Variants in DCUN1D1 observed in about 807,000 individuals in gnomAD.
The protein encoded by DCUN1D1 is defective in cullin neddylation 1 domain containing 1.
Under a neutral mutation model 39.0 loss-of-function variants are expected in DCUN1D1, and 3 were observed. The observed-to-expected ratio is 0.08, with a 90% CI of 0.04 to 0.20. The LOEUF (loss-of-function observed/expected upper bound fraction) is 0.20. DCUN1D1 is among the 10% of genes least tolerant of loss of function. The probability of loss-of-function intolerance (pLI) is 1.00; values close to 1 mark genes in which losing one functional copy is unlikely to be tolerated. For missense variants in DCUN1D1, 158 were observed against 302.4 expected (o/e 0.52, Z 3.54); for synonymous variants, 82 against 96.3 (o/e 0.85, Z 0.87).
At chr3:182,963,764 T>C in intron 3 of DCUN1D1, 117 bp downstream of exon 3, 1 of 895,036 alleles carries the variant, frequency 1.1e-6, no homozygotes, top group South Asian at 2.2e-5. Flanking sequence ...GTTAACCCAT[T>C]TCTATTTATA....
chr3:182,977,566 G>T (rs1728299629), intron 1 of DCUN1D1, among the ~76,000 whole-genome samples: 1 of 152,014 alleles, frequency 6.6e-6, no homozygotes, highest in South Asian at 2.1e-4. Flanking sequence ...CTCCTGAGTA[G>T]CTGAGACTAC....
intron 4 of DCUN1D1, among the ~76,000 whole-genome samples, chr3:182,960,027 A>AG (rs1408056698): frequency 6.6e-6 from 1 of 152,204 alleles, no homozygotes; most frequent in African/African-American, 2.4e-5. Flanking sequence ...TGCAGAAGCC[A>AG]GGGCCATGCC....
At chr3:182,958,241 A>C (rs1231373104) in intron 4 of DCUN1D1, among the ~76,000 whole-genome samples, 3 of 152,060 alleles carry the variant, frequency 2.0e-5, no homozygotes, top group Non-Finnish European at 4.4e-5. Context: ...AAAAAAAAAA[A>C]CTATGATTTG....
intron 1 of DCUN1D1, chr3:182,980,000 G>T (rs1195806631): frequency 4.3e-5 from 9 of 210,976 alleles, no homozygotes; most frequent in Non-Finnish European, 7.4e-5. Context: ...GGAGAGGCGC[G>T]CCGGGAAAGT....
rs1466669414 is a variant in DCUN1D1 at position 182,980,524 on chromosome 3, G to A, written c.-35C>T. 5.7e-6 allele frequency: 7 copies of A among 1,234,172 alleles called. No individual in the cohort carries two copies. In the African/African-American group the frequency reaches 6.4e-5, roughly 11 times the overall value. 76.5% of individuals were successfully genotyped at this position (1,234,172 alleles called of 1,614,324 possible). A position where few individuals can be genotyped will look rare whatever the true frequency, so the allele number is the denominator to read the frequency against. On this transcript the variant is annotated 5_prime_UTR_variant, in exon 1 of 7. Coordinates refer to ENST00000292782, the MANE Select transcript of DCUN1D1 (RefSeq NM_020640.4). ...CTCCAGGCCTCTCCCCTCCTCCTCC[G>A]GCTCCGCAGCGAATGGACGGCGGCG... is the stretch of plus-strand genomic sequence containing the variant.
chr3:182,952,734 G>A (rs1270344053), intron 4 of DCUN1D1, among the ~76,000 whole-genome samples: 1 of 152,070 alleles, frequency 6.6e-6, no homozygotes, highest in Non-Finnish European at 1.5e-5. Flanking sequence ...GATAATCCCT[G>A]AGAAAGGCTC....
chr3:182,946,949 G>A (rs1726441411), intron 6 of DCUN1D1, among the ~76,000 whole-genome samples: 1 of 152,032 alleles, frequency 6.6e-6, no homozygotes, highest in Non-Finnish European at 1.5e-5. Context: ...AAAACATTAA[G>A]AAATTAGTCA....
In DCUN1D1 at chr3:182,942,964, A is replaced by G. The variant is rs1726205405; in HGVS notation, c.*2130T>C. 1 of 152,198 alleles carries G rather than the reference A, an allele frequency of 6.6e-6. No individual in the cohort carries two copies. Among genetic ancestry groups the G allele is most frequent in the Non-Finnish European group, 1.5e-5 (1 of 67,908 alleles). The allele number at this position is 152,198 out of a possible 1,614,324, so 9.4% of individuals were successfully genotyped here. On this transcript the variant is annotated 3_prime_UTR_variant, in exon 7 of 7. Transcript: ENST00000292782. ...TTCAAAGCTTTATGTATTTTTGTTT[A>G]TAATTACACAGTAATTATAAATGTT...
intron 1 of DCUN1D1, among the ~76,000 whole-genome samples, chr3:182,979,340 CAA>C (rs1351754466): frequency 6.6e-6 from 1 of 152,134 alleles, no homozygotes; most frequent in African/African-American, 2.4e-5. Context: ...CAACTAAAAA[CAA>C]AGACACTGGA....
chr3:182,980,312 G>T, intron 1 of DCUN1D1, 175 bp downstream of exon 1: 1 of 378,502 alleles, frequency 2.6e-6, no homozygotes, highest in Non-Finnish European at 3.6e-6. Context: ...GCGGGAAGGG[G>T]CGAAGGAGGA....
intron 4 of DCUN1D1, among the ~76,000 whole-genome samples, 157 bp downstream of exon 4, chr3:182,961,069 T>C (rs1727357511): frequency 6.6e-6 from 1 of 152,190 alleles, no homozygotes; most frequent in Non-Finnish European, 1.5e-5. Flanking sequence ...GTGCATGGTA[T>C]TTTCTGATTA....
chr3:182,945,644 T>C (rs2108620343), intron 6 of DCUN1D1, among the ~76,000 whole-genome samples: 1 of 152,236 alleles, frequency 6.6e-6, no homozygotes, highest in East Asian at 1.9e-4. Flanking sequence ...AAGGAGCAGC[T>C]ATGAAATGAT....
rs967933103 is a variant in DCUN1D1, at chr3:182,940,285, T to C, written c.*4809A>G. 13 of 152,186 alleles carry C rather than the reference T, an allele frequency of 8.5e-5. No individual in the cohort carries two copies. Among genetic ancestry groups the C allele is most frequent in the African/African-American group, 2.7e-4 (11 of 41,454 alleles). The allele number at this position is 152,186 out of a possible 1,614,324, so 9.4% of individuals were successfully genotyped here. A position where few individuals can be genotyped will look rare whatever the true frequency, so the allele number is the denominator to read the frequency against. ...TAAAATTATAATATTCATATGAACATGCATTTGAATATATATGTACTTTTT... is the reference window on the plus strand; with the variant it reads ...TAAAATTATAATATTCATATGAACACGCATTTGAATATATATGTACTTTTT... On this transcript the variant is annotated 3_prime_UTR_variant, in exon 7 of 7. Coordinates refer to ENST00000292782, the MANE Select transcript of DCUN1D1 (RefSeq NM_020640.4).
chr3:182,982,498 A>G (rs952701781), upstream of DCUN1D1, among the ~76,000 whole-genome samples: 3 of 152,062 alleles, frequency 2.0e-5, no homozygotes, highest in Non-Finnish European at 4.4e-5. Context: ...CCTTTTATCA[A>G]ATCATCCAAA....
intron 5 of DCUN1D1, 36 bp downstream of exon 5, chr3:182,947,514 A>T: frequency 7.6e-7 from 1 of 1,309,882 alleles, no homozygotes; most frequent in Non-Finnish European, 1.1e-6. Flanking sequence ...GCAGAATTTG[A>T]GAAAACAGAG....
intron 1 of DCUN1D1, among the ~76,000 whole-genome samples, chr3:182,978,730 T>A (rs1446577057): frequency 6.6e-6 from 1 of 152,208 alleles, no homozygotes; most frequent in African/African-American, 2.4e-5. Context: ...TGACATAAAC[T>A]GAGTTCAGCC....
chr3:182,979,432 T>C (rs1346238314), intron 1 of DCUN1D1, among the ~76,000 whole-genome samples: 1 of 152,072 alleles, frequency 6.6e-6, no homozygotes, highest in Non-Finnish European at 1.5e-5. Context: ...GACAACAATA[T>C]CATTTTTACT....
chr3:182,971,857 A>G (rs1727956560), intron 1 of DCUN1D1, among the ~76,000 whole-genome samples: 1 of 152,170 alleles, frequency 6.6e-6, no homozygotes, highest in African/African-American at 2.4e-5. Flanking sequence ...TCAAGTGAAA[A>G]GAAAAACAAA....
chr3:182,976,186 G>T (rs1159689298), intron 1 of DCUN1D1, among the ~76,000 whole-genome samples: 1 of 151,960 alleles, frequency 6.6e-6, no homozygotes, highest in African/African-American at 2.4e-5. Flanking sequence ...AAGCTGCATG[G>T]TAAAGAAAAC....
Sources: allele counts gnomAD v4.1 joint callset (sites outside exome capture counted in the v4.1 genomes callset), GRCh38; gene constraint gnomAD v4.1.1; transcripts MANE v1.5; gene names NCBI Gene and HGNC (gene_info 2026-07-23, HGNC 2026-07-21).